The following NCOA2 variants were observed in gnomAD, a reference collection of about 807,000 sequenced individuals.
The protein encoded by NCOA2 is nuclear receptor coactivator 2.
NCOA2 carries 21 observed loss-of-function variants against 145.1 expected under a neutral mutation model. That is an observed-to-expected ratio of 0.14 (90% CI 0.10 to 0.21). NCOA2 has a LOEUF of 0.21. NCOA2 is among the 10% of genes least tolerant of loss of function. The pLI is 1.00. For missense variants in NCOA2, 1,472 were observed against 1,837.6 expected (o/e 0.80, Z 3.64); for synonymous variants, 619 against 637.5 (o/e 0.97, Z 0.44).
intron 2 of NCOA2, among the ~76,000 whole-genome samples, chr8:70,255,833 T>A (rs1823592227): frequency 6.6e-6 from 1 of 152,010 alleles, no homozygotes; most frequent in African/African-American, 2.4e-5. Context: ...GGCATAACGA[T>A]GAATCACACA....
chr8:70,297,560 T>C (rs192029794), intron 1 of NCOA2, among the ~76,000 whole-genome samples: 2 of 152,312 alleles, frequency 1.3e-5, no homozygotes, highest in East Asian at 3.9e-4. Flanking sequence ...CTCGAACTCC[T>C]AGCCTCAAGT....
intron 1 of NCOA2, among the ~76,000 whole-genome samples, chr8:70,298,472 A>G (rs1827244399): frequency 6.6e-6 from 1 of 152,230 alleles, no homozygotes; most frequent in African/African-American, 2.4e-5. Context: ...AATGGATTCC[A>G]CTCAAGTGGC....
intron 4 of NCOA2, among the ~76,000 whole-genome samples, chr8:70,207,920 A>C (rs1373554936): frequency 2.0e-4 from 31 of 151,314 alleles, no homozygotes; most frequent in African/African-American, 7.3e-4. Context: ...AAGCAATTGA[A>C]AATGAATAGT....
At chr8:70,341,550 A>C (rs1041996248) in intron 1 of NCOA2, among the ~76,000 whole-genome samples, 1 of 152,244 alleles carries the variant, frequency 6.6e-6, no homozygotes, top group Non-Finnish European at 1.5e-5. Flanking sequence ...GTCCATAACT[A>C]AAGTTGGTAA....
chr8:70,236,665 A>C (rs1821635765), intron 2 of NCOA2, among the ~76,000 whole-genome samples: 1 of 152,198 alleles, frequency 6.6e-6, no homozygotes, highest in Non-Finnish European at 1.5e-5. Context: ...TCAAATTGGA[A>C]ACTTAAAAGA....
chr8:70,333,038 C>G (rs1327764625), intron 1 of NCOA2, among the ~76,000 whole-genome samples: 1 of 152,106 alleles, frequency 6.6e-6, no homozygotes, highest in Admixed American at 6.6e-5. Context: ...GATAACTTGC[C>G]TGGGGTCTCA....
chr8:70,406,791 T>G (rs963575908), upstream of NCOA2, among the ~76,000 whole-genome samples: 4 of 152,220 alleles, frequency 2.6e-5, no homozygotes, highest in African/African-American at 4.8e-5. Flanking sequence ...TTTTCATAAG[T>G]AAACTGCATA....
At chr8:70,371,078 G>C (rs1398266416) in intron 1 of NCOA2, among the ~76,000 whole-genome samples, 1 of 152,144 alleles carries the variant, frequency 6.6e-6, no homozygotes, top group East Asian at 1.9e-4. Context: ...ACGAGGTCAG[G>C]AGATCAAGAC....
At chr8:70,172,580 T>C (rs574042636) in intron 5 of NCOA2, among the ~76,000 whole-genome samples, 1 of 152,316 alleles carries the variant, frequency 6.6e-6, no homozygotes, top group African/African-American at 2.4e-5. Context: ...AGCAAGACTA[T>C]ATGTAAATAA....
chr8:70,201,839 C>G (rs1253460722), intron 4 of NCOA2, among the ~76,000 whole-genome samples: 1 of 152,094 alleles, frequency 6.6e-6, no homozygotes, highest in African/African-American at 2.4e-5. Context: ...GGCAAAATGT[C>G]CAGAAAGGAG....
Position 70,254,281 on chromosome 8 carries a change from T to G in NCOA2, c.-19-37517A>C, listed in dbSNP as rs1431766862. On this transcript the variant is annotated intron_variant, in intron 2 of 22. Transcript: ENST00000452400. ...GGATGCAGAAAAACTAGAACCCTTG[T>G]GCATTACTGATGGCATGTAAAATGG... 2.0e-5 allele frequency among the ~76,000 whole-genome samples: 3 copies of G among 152,262 alleles called. No homozygotes were observed. The East Asian group carries it at 5.8e-4, about 29-fold the overall frequency.
intron 21 of NCOA2, among the ~76,000 whole-genome samples, chr8:70,121,672 C>G (rs1807838403): frequency 6.6e-6 from 1 of 152,148 alleles, no homozygotes. Context: ...AATAATAGAG[C>G]CATTTTTGTG....
intron 2 of NCOA2, among the ~76,000 whole-genome samples, chr8:70,278,527 T>C (rs962686031): frequency 1.3e-5 from 2 of 152,066 alleles, no homozygotes; most frequent in Admixed American, 6.6e-5. Context: ...GTCAGTCACT[T>C]CCTAGAATCC....
chr8:70,115,022 T>C (rs926608277), intron 22 of NCOA2, among the ~76,000 whole-genome samples: 10 of 152,256 alleles, frequency 6.6e-5, no homozygotes, highest in Non-Finnish European at 1.2e-4. Context: ...TGAATAGATA[T>C]GTATTCCTAA....
chr8:70,405,491 T>C (rs1450641575), upstream of NCOA2, among the ~76,000 whole-genome samples: 1 of 135,584 alleles, frequency 7.4e-6, no homozygotes, highest in Non-Finnish European at 1.6e-5. Flanking sequence ...AATAGAATTA[T>C]GTTCCCAAAG....
At chr8:70,256,105 T>TA (rs1173539696) in intron 2 of NCOA2, among the ~76,000 whole-genome samples, 1 of 152,176 alleles carries the variant, frequency 6.6e-6, no homozygotes, top group African/African-American at 2.4e-5. Flanking sequence ...GATATGTTCT[T>TA]ATAGTTTTGT....
In NCOA2 at chr8:70,178,420, G is replaced by C. The variant is rs183916893; in HGVS notation, c.260-3561C>G. Among the ~76,000 whole-genome samples the C allele has an allele frequency of 2.6e-5, 4 of 152,246 alleles. No homozygotes were observed. In the East Asian group the frequency reaches 7.7e-4, roughly 29 times the overall value. ...ACATGCTGTTTTATTCTTTAAAATA[G>C]TCAACTGATAAATATTTAAGAGGAA... On this transcript the variant is annotated intron_variant, in intron 4 of 22. Coordinates refer to ENST00000452400, the MANE Select transcript of NCOA2 (RefSeq NM_006540.4).
In NCOA2 at chr8:70,286,772, G is replaced by A. The variant is rs143819346; in HGVS notation, c.-20+9972C>T. Among the ~76,000 whole-genome samples the A allele has an allele frequency of 9.2e-3, 1,393 of 152,200 alleles. 20 individuals carry two copies. Among genetic ancestry groups the A allele is most frequent in the Non-Finnish European group, 9.0e-3 (614 of 68,026 alleles). ...CAACCAAAAACCCTGTGTATTGATT[G>A]TAAAGAGCAGCTGTAATTTCCCCTA... On this transcript the variant is annotated intron_variant, in intron 2 of 22. Coordinates refer to ENST00000452400, the MANE Select transcript of NCOA2 (RefSeq NM_006540.4).
chr8:70,375,767 T>A (rs1268489194), intron 1 of NCOA2, among the ~76,000 whole-genome samples: 8 of 152,114 alleles, frequency 5.3e-5, no homozygotes. Context: ...AATGTCAATA[T>A]CTCTAATTCC....
Sources: gnomAD v4.1 joint callset for allele counts (sites outside exome capture counted in the v4.1 genomes callset) on GRCh38, gnomAD v4.1.1 for gene constraint, MANE v1.5 for transcripts, NCBI Gene and HGNC (gene_info 2026-07-23, HGNC 2026-07-21) for gene names.